The following ABCA3 variants were observed in gnomAD, a reference collection of about 807,000 sequenced individuals.
The protein encoded by ABCA3 is phospholipid-transporting ATPase ABCA3.
A neutral mutation model predicts 172.8 loss-of-function variants in ABCA3; 88 were observed. The observed-to-expected ratio is 0.51, with a 90% CI of 0.43 to 0.61. The LOEUF is 0.61. Among genes scored for constraint, ABCA3 ranks in the 20% least tolerant of loss-of-function variants. The probability of loss-of-function intolerance (pLI) is 0.00; values close to 1 mark genes in which losing one functional copy is unlikely to be tolerated. For synonymous variants in ABCA3, 1,066 were observed against 983.8 expected, an observed-to-expected ratio of 1.08 and a Z score of -1.56; for missense variants, 2,164 against 2,301.0, an observed-to-expected ratio of 0.94 and a Z score of 1.22.
rs1297661458 is a variant in ABCA3 at position 2,286,096 on chromosome 16, G to A, written c.3279-450C>T. Among the ~76,000 whole-genome samples, 2 of 152,214 alleles carry A rather than the reference G, an allele frequency of 1.3e-5. No individual in the cohort carries two copies. The highest frequency in any genetic ancestry group is 2.4e-5 in the African/African-American group (1 of 41,460). ...CAGGGATGGAGCCAGAAGCTGGGAC[G>A]CAGCCATCGCCAGGCCTAGGCCTAG... On this transcript the variant is annotated intron_variant, in intron 22 of 32. Coordinates refer to ENST00000301732, the MANE Select transcript of ABCA3 (RefSeq NM_001089.3). The surrounding 1 kb of genome is among the most constrained non-coding windows in gnomAD (Gnocchi z 5.2).
intron 11 of ABCA3, 103 bp downstream of exon 11, chr16:2,308,347 C>T: frequency 6.9e-7 from 1 of 1,448,842 alleles, no homozygotes; most frequent in South Asian, 1.2e-5. Context: ...CAACTGCCTG[C>T]CAACCGTCCC....
rs549489936 is a variant in ABCA3, at chr16:2,286,093, G to A, written c.3279-447C>T. Among the ~76,000 whole-genome samples, 6 of 152,362 alleles carry A rather than the reference G, an allele frequency of 3.9e-5. No homozygotes were observed. Among genetic ancestry groups the A allele is most frequent in the African/African-American group, 1.2e-4 (5 of 41,604 alleles). ...GGGCAGGGATGGAGCCAGAAGCTGG[G>A]ACGCAGCCATCGCCAGGCCTAGGCC... On this transcript the variant is annotated intron_variant, in intron 22 of 32. Transcript: ENST00000301732. This position sits in a 1 kb window ranked among gnomAD's most constrained non-coding sequence, Gnocchi z 5.2.
chr16:2,319,608 G>A lies in ABCA3; in HGVS notation c.846C>T (p.Val282=), dbSNP rs149038393. ...TCAGCCTCCTTTCCTTCTCCTGCAC[G>A]ACAGCACGGGCAATGGTGAGCGCGG... The part of the protein sequence containing the change: ...TYTALTIARA[V]VQEKERRLKE... The change falls in exon 8 of 33, where the codon GTC becomes GTT. Residue 282 remains valine (V), a synonymous_variant. Coordinates refer to ENST00000301732, the MANE Select transcript of ABCA3 (RefSeq NM_001089.3). The A allele has an allele frequency of 2.0e-4, 324 of 1,612,876 alleles. No individual in the cohort carries two copies. The highest frequency in any genetic ancestry group is 2.7e-4 in the Non-Finnish European group (316 of 1,180,014).
intron 20 of ABCA3, chr16:2,288,983 C>G (rs1279665592): frequency 5.1e-6 from 1 of 196,518 alleles, no homozygotes; most frequent in East Asian, 1.4e-4. Context: ...CTGCCTCGTT[C>G]TCCAGCTTCT....
intron 10 of ABCA3, among the ~76,000 whole-genome samples, chr16:2,313,891 C>CAA (rs34599387): frequency 3.7e-4 from 47 of 126,902 alleles, no homozygotes; most frequent in Admixed American, 4.9e-4. Context: ...GATTCCATCT[C>CAA]AAAAAAAAAA....
intron 18 of ABCA3, among the ~76,000 whole-genome samples, chr16:2,294,053 G>C (rs894142644): frequency 6.6e-6 from 1 of 151,096 alleles, no homozygotes; most frequent in Non-Finnish European, 1.5e-5. Flanking sequence ...ACCCAGGCTG[G>C]AATCCAGGGG....
intron 11 of ABCA3, among the ~76,000 whole-genome samples, chr16:2,304,519 T>C (rs1426880496): frequency 6.9e-6 from 1 of 144,962 alleles, no homozygotes; most frequent in Non-Finnish European, 1.5e-5. Context: ...TTTTTTTTTT[T>C]TTTTTGAGAT....
chr16:2,307,179 T>C (rs1225250183), intron 11 of ABCA3, among the ~76,000 whole-genome samples: 4 of 152,114 alleles, frequency 2.6e-5, no homozygotes, highest in Non-Finnish European at 1.5e-5. Flanking sequence ...CTTAGGCGTC[T>C]CTGCTGCCAT....
intron 7 of ABCA3, among the ~76,000 whole-genome samples, chr16:2,322,859 G>T (rs1040791711): frequency 6.6e-6 from 1 of 152,074 alleles, no homozygotes; most frequent in East Asian, 1.9e-4. Flanking sequence ...CCATCAGAGT[G>T]AACAGGGAAC....
At chr16:2,324,680 T>C in intron 5 of ABCA3, 149 bp from the exon 6 acceptor site, 1 of 1,256,438 alleles carries the variant, frequency 8.0e-7, no homozygotes, top group Non-Finnish European at 1.1e-6. Flanking sequence ...CTTTCATCTT[T>C]GGCAGAGAGA....
chr16:2,287,545 TG>T lies in ABCA3; in HGVS notation c.3004+480del, dbSNP rs764555948. On this transcript the variant is annotated intron_variant, in intron 21 of 32. Transcript: ENST00000301732. This position sits in a 1 kb window ranked among gnomAD's most constrained non-coding sequence, Gnocchi z 4.1. ...CACCTGCCTCGGCCTCCCAAAGTAG[TG>T]GGATGACAGGTGTGAGCTACTGTGC... Among the ~76,000 whole-genome samples, 7 of 152,146 alleles carry T rather than the reference TG, an allele frequency of 4.6e-5. No individual in the cohort carries two copies. Among genetic ancestry groups the T allele is most frequent in the Non-Finnish European group, 1.0e-4 (7 of 68,024 alleles).
chr16:2,302,819 C>T (rs1317154145), intron 12 of ABCA3, among the ~76,000 whole-genome samples: 3 of 149,196 alleles, frequency 2.0e-5, no homozygotes, highest in African/African-American at 5.0e-5. Flanking sequence ...GATGGAGTCT[C>T]GCTCTGTCGC....
In ABCA3 at chr16:2,278,892, G is replaced by A; in HGVS notation, c.4547+51C>T. 2.5e-6 allele frequency: 4 copies of A among 1,610,926 alleles called. No individual in the cohort carries two copies. The highest frequency in any genetic ancestry group is 3.4e-6 in the Non-Finnish European group (4 of 1,178,984). On this transcript the variant is annotated intron_variant, in intron 29 of 32. Coordinates refer to ENST00000301732, the MANE Select transcript of ABCA3 (RefSeq NM_001089.3). This position sits in a 1 kb window ranked among gnomAD's most constrained non-coding sequence, Gnocchi z 4.4. The stretch of plus-strand genomic sequence containing the variant: ...GTCACTCCCAGCTCTATGCTATGGG[G>A]ACCTTGATTCTGACTCCACTCTGGG...
Position 2,285,297 on chromosome 16 carries a change from G to A in ABCA3, c.3483+145C>T, listed in dbSNP as rs149777753. ...GCAGGGAGGAGGCGAGGGGGCAGCCGCCAGGGGATTCCAGCTGTCCTCCCT... is the reference window on the plus strand; with the variant it reads ...GCAGGGAGGAGGCGAGGGGGCAGCCACCAGGGGATTCCAGCTGTCCTCCCT... On this transcript the variant is annotated intron_variant, in intron 23 of 32. Coordinates refer to ENST00000301732, the MANE Select transcript of ABCA3 (RefSeq NM_001089.3). This position sits in a 1 kb window ranked among gnomAD's most constrained non-coding sequence, Gnocchi z 4.7. The A allele has an allele frequency of 5.4e-5, 56 of 1,043,244 alleles. No individual in the cohort carries two copies. In the East Asian group the frequency reaches 8.5e-4, roughly 16 times the overall value. 64.6% of individuals were successfully genotyped at this position (1,043,244 alleles called of 1,614,324 possible).
At position 2,284,899 on chromosome 16, in the gene ABCA3, G is replaced by C. The variant is rs769069804; in HGVS notation, c.3583C>G (p.Leu1195Val). 2 of 1,613,966 alleles carry C rather than the reference G, an allele frequency of 1.2e-6. No individual in the cohort carries two copies. Among genetic ancestry groups the C allele is most frequent in the South Asian group, 1.1e-5 (1 of 91,080 alleles). Residue 1195 changes from leucine to valine, a missense_variant, in exon 24 of 33, where the codon CTC becomes GTC. Leu to Val is a conservative substitution (Grantham distance 32, BLOSUM62 1). Transcript: ENST00000301732. This position sits in a 1 kb window ranked among gnomAD's most constrained non-coding sequence, Gnocchi z 5.9. ...LLLYGWAIIP[L>V]MYLMNFFFLG... ...AAGAAGAAGTTCATCAGGTACATGA[G>C]GGGGATGATGGCCCAGCCGTAGAGC...
chr16:2,290,979 C>T (rs1013381119), intron 19 of ABCA3, among the ~76,000 whole-genome samples: 1 of 151,694 alleles, frequency 6.6e-6, no homozygotes, highest in Non-Finnish European at 1.5e-5. Flanking sequence ...AATTGATTCT[C>T]CTGCCTCAGC....
chr16:2,337,548 A>AC (rs2093753826), intron 1 of ABCA3, among the ~76,000 whole-genome samples: 1 of 125,212 alleles, frequency 8.0e-6, no homozygotes, highest in Admixed American at 8.0e-5. Flanking sequence ...TAATTGTTTG[A>AC]TTTTTTTTTT....
At chr16:2,323,387 A>G in intron 7 of ABCA3, 136 bp downstream of exon 7, 1 of 1,149,950 alleles carries the variant, frequency 8.7e-7, no homozygotes. Context: ...TCACAACAGC[A>G]AAGACTTGGA....
intron 1 of ABCA3, chr16:2,332,707 TTG>T: frequency 6.6e-7 from 1 of 1,512,302 alleles, no homozygotes; most frequent in Non-Finnish European, 9.1e-7. Context: ...GGCTGTCTTC[TTG>T]TGTCCAAAGA....
Sources: gnomAD v4.1 joint callset for allele counts (sites outside exome capture counted in the v4.1 genomes callset) on GRCh38, gnomAD v4.1.1 for gene constraint, Gnocchi (gnomAD v3.1) non-coding constraint, MANE v1.5 for transcripts, NCBI Gene and HGNC (gene_info 2026-07-23, HGNC 2026-07-21) for gene names.